The following TSPAN15 variants were observed in gnomAD, a reference collection of about 807,000 sequenced individuals.
TSPAN15 encodes the protein tetraspanin 15, also known as tetraspanin-15.
In TSPAN15, 20 loss-of-function variants were observed where a neutral mutation model predicts 34.5. That is an observed-to-expected ratio of 0.58 (90% CI 0.41 to 0.84). TSPAN15 has a LOEUF of 0.84. Among genes scored for constraint, TSPAN15 ranks in the 40% least tolerant of loss-of-function variants. TSPAN15 has a pLI of 0.00. For synonymous variants in TSPAN15, 155 were observed against 153.9 expected, an observed-to-expected ratio of 1.01 and a Z score of -0.05; for missense variants, 313 against 386.1, an observed-to-expected ratio of 0.81 and a Z score of 1.59.
chr10:69,504,411 A>G (rs1483646697), intron 5 of TSPAN15, 27 bp from the exon 6 acceptor site: 4 of 1,606,520 alleles, frequency 2.5e-6, no homozygotes, highest in African/African-American at 1.3e-5. Context: ...CATTATAAAT[A>G]TTAGCTATTA....
At chr10:69,510,081 T>A (rs970559590), downstream of TSPAN15, among the ~76,000 whole-genome samples, 1 of 152,244 alleles carries the variant, frequency 6.6e-6, no homozygotes, top group African/African-American at 2.4e-5. Flanking sequence ...TGGTTCCACA[T>A]GAAATTTAAA....
chr10:69,543,109 G>A, the TSPAN15 span, among the ~76,000 whole-genome samples: 2 of 152,194 alleles, frequency 1.3e-5, no homozygotes, highest in Admixed American at 6.5e-5. Context: ...TTGCCTAGAA[G>A]GCCATGAGGA....
chr10:69,490,282 C>T (rs75660672), intron 3 of TSPAN15, among the ~76,000 whole-genome samples: 6,117 of 152,226 alleles, frequency 0.04, 387 homozygotes, highest in African/African-American at 0.13. Flanking sequence ...TGGTGTCCGA[C>T]GGGGATTGGT....
the TSPAN15 span, among the ~76,000 whole-genome samples, chr10:69,531,466 G>C: frequency 3.9e-5 from 6 of 152,094 alleles, no homozygotes; most frequent in African/African-American, 1.4e-4. Flanking sequence ...GTGCATGGTG[G>C]TGGGTGCCTG....
rs1422050361 is a variant in TSPAN15 at position 69,504,480 on chromosome 10, A to G, written c.613A>G (p.Lys205Glu). ...NTMCGYKTID[K>E]ERFSVQDVIY... The stretch of plus-strand genomic sequence containing the variant: ...CATGTGTGGCTACAAAACTATCGAC[A>G]AGGAGGTAATGTCTTTGAAATGCCT... The change falls in exon 6 of 8, where the codon AAG (lysine) becomes GAG (glutamate). Residue 205 changes from lysine to glutamate, a missense_variant. Coordinates refer to ENST00000373290, the MANE Select transcript of TSPAN15 (RefSeq NM_012339.5). The G allele has an allele frequency of 1.2e-6, 2 of 1,613,978 alleles. No homozygotes were observed. Among genetic ancestry groups the G allele is most frequent in the Admixed American group, 3.3e-5 (2 of 59,998 alleles).
intron 3 of TSPAN15, among the ~76,000 whole-genome samples, chr10:69,488,912 G>A (rs922152228): frequency 6.6e-5 from 10 of 152,212 alleles, no homozygotes; most frequent in African/African-American, 1.9e-4. Context: ...TCTACCTTCA[G>A]TGGTGCACAT....
chr10:69,539,642 G>T, the TSPAN15 span, among the ~76,000 whole-genome samples: 1 of 152,160 alleles, frequency 6.6e-6, no homozygotes, highest in African/African-American at 2.4e-5. Context: ...TCCAACCAGA[G>T]AGTGTCTCTC....
At chr10:69,529,895 G>C in the TSPAN15 span, among the ~76,000 whole-genome samples, 1 of 130,000 alleles carries the variant, frequency 7.7e-6, no homozygotes, top group African/African-American at 2.9e-5. Context: ...TTATGCCTTT[G>C]CATCCTCATA....
chr10:69,493,600 G>A (rs1842015077), intron 3 of TSPAN15, among the ~76,000 whole-genome samples: 1 of 151,546 alleles, frequency 6.6e-6, no homozygotes, highest in East Asian at 1.9e-4. Flanking sequence ...AGCCTCCCGA[G>A]TAGCTGGGAC....
In TSPAN15 at chr10:69,493,866, C is replaced by T. The variant is rs568799548; in HGVS notation, c.358-1728C>T. 1.7e-3 allele frequency among the ~76,000 whole-genome samples: 263 copies of T among 151,352 alleles called. 1 individual carries two copies. The highest frequency in any genetic ancestry group is 6.1e-3 in the African/African-American group (250 of 41,196). ...CTGACCTCAGGTGATCTGCCCACCT[C>T]GGCCTCCCAAAGTGCTGGGATTACA... is the stretch of plus-strand genomic sequence containing the variant. On this transcript the variant is annotated intron_variant, in intron 3 of 7. Transcript: ENST00000373290.
In TSPAN15 at chr10:69,506,483, A is replaced by G. The variant is rs1349339753; in HGVS notation, c.735+243A>G. On this transcript the variant is annotated intron_variant, in intron 7 of 7. Transcript: ENST00000373290. This position sits in a 1 kb window ranked among gnomAD's most constrained non-coding sequence, Gnocchi z 4.7. ...GAGGCACTATTATAATGCCTATTTC[A>G]CAGAGGAGGAAACTGAGGAGCAGCA... 1.7e-6 allele frequency: 1 copy of G among 593,388 alleles called. No homozygotes were observed. Among genetic ancestry groups the G allele is most frequent in the African/African-American group, 1.9e-5 (1 of 53,708 alleles). 36.8% of individuals were successfully genotyped at this position (593,388 alleles called of 1,614,324 possible).
chr10:69,470,312 G>T (rs1841477979), intron 1 of TSPAN15, among the ~76,000 whole-genome samples: 1 of 152,222 alleles, frequency 6.6e-6, no homozygotes, highest in Non-Finnish European at 1.5e-5. Flanking sequence ...AACTTGACCA[G>T]TCCTCTCCAT....
At chr10:69,467,974 C>T (rs1274025405) in intron 1 of TSPAN15, among the ~76,000 whole-genome samples, 2 of 152,232 alleles carry the variant, frequency 1.3e-5, no homozygotes, top group African/African-American at 2.4e-5. Context: ...TGGGGACTGT[C>T]GTGTGTTACT....
At chr10:69,539,499 GA>G in the TSPAN15 span, among the ~76,000 whole-genome samples, 29 of 78,012 alleles carry the variant, frequency 3.7e-4, no homozygotes, top group Non-Finnish European at 5.5e-4. Context: ...AGAAGAAGAA[GA>G]AGAAGAAGAA....
At chr10:69,455,416 C>T (rs971159507) in intron 1 of TSPAN15, among the ~76,000 whole-genome samples, 1 of 152,096 alleles carries the variant, frequency 6.6e-6, no homozygotes, top group Admixed American at 6.5e-5. Context: ...TAGGAGCTGC[C>T]TCATTCTGTG....
chr10:69,500,882 G>A (rs1295796341), intron 5 of TSPAN15, among the ~76,000 whole-genome samples: 1 of 152,158 alleles, frequency 6.6e-6, no homozygotes, highest in Non-Finnish European at 1.5e-5. Flanking sequence ...ACACCTAAGG[G>A]CTCCCCACAG....
chr10:69,454,911 T>A (rs2133051223), intron 1 of TSPAN15, among the ~76,000 whole-genome samples: 2 of 152,214 alleles, frequency 1.3e-5, no homozygotes, highest in South Asian at 4.1e-4. Flanking sequence ...TGAGGTGTAA[T>A]CCCAGCACTT....
chr10:69,517,207 C>T, the TSPAN15 span, among the ~76,000 whole-genome samples: 1 of 152,184 alleles, frequency 6.6e-6, no homozygotes, highest in East Asian at 1.9e-4. Context: ...CCTGTGTCTT[C>T]TCCTCCATCT....
chr10:69,458,770 G>T (rs1257666089), intron 1 of TSPAN15, among the ~76,000 whole-genome samples: 3 of 152,150 alleles, frequency 2.0e-5, no homozygotes, highest in Non-Finnish European at 4.4e-5. Flanking sequence ...TTTTATAGAT[G>T]AGCAAACTAA....
Sources: gnomAD v4.1 joint callset for allele counts (sites outside exome capture counted in the v4.1 genomes callset) on GRCh38, gnomAD v4.1.1 for gene constraint, Gnocchi (gnomAD v3.1) non-coding constraint, MANE v1.5 for transcripts, NCBI Gene and HGNC (gene_info 2026-07-23, HGNC 2026-07-21) for gene names.